The following RCAN2 variants were observed in gnomAD, a reference collection of about 807,000 sequenced individuals.
The protein encoded by RCAN2 is calcipressin-2.
A neutral mutation model predicts 23.6 loss-of-function variants in RCAN2; 9 were observed. The observed-to-expected ratio is 0.38, with a 90% CI of 0.23 to 0.67. The LOEUF (loss-of-function observed/expected upper bound fraction) is 0.67, where lower values mean the gene tolerates loss of function less well. RCAN2 is among the 30% of genes least tolerant of loss of function. The probability of loss-of-function intolerance (pLI) is 0.51; values close to 1 mark genes in which losing one functional copy is unlikely to be tolerated. For missense variants in RCAN2, 273 were observed against 302.3 expected (o/e 0.90, Z 0.72); for synonymous variants, 109 against 115.7 (o/e 0.94, Z 0.37).
chr6:46,232,260 T>C (rs1240347204), intron 4 of RCAN2, among the ~76,000 whole-genome samples: 1 of 152,256 alleles, frequency 6.6e-6, no homozygotes, highest in Non-Finnish European at 1.5e-5. Flanking sequence ...GTATCGATGC[T>C]AAGTAAGGTT....
chr6:46,376,855 T>TC (rs1205028849), intron 2 of RCAN2, among the ~76,000 whole-genome samples: 32 of 151,500 alleles, frequency 2.1e-4, no homozygotes, highest in East Asian at 7.8e-4. Context: ...AGTTTTCACT[T>TC]CCCCCCGCCC....
At chr6:46,356,294 G>A (rs780904853) in intron 2 of RCAN2, among the ~76,000 whole-genome samples, 15 of 152,294 alleles carry the variant, frequency 9.8e-5, no homozygotes, top group South Asian at 2.1e-4. Flanking sequence ...TCATGGACAA[G>A]TCTGGGGTCA....
In RCAN2 at chr6:46,388,807, G is replaced by A. The variant is rs1019877024; in HGVS notation, c.225+67945C>T. Among the ~76,000 whole-genome samples the A allele has an allele frequency of 4.6e-5, 7 of 152,226 alleles. No individual in the cohort carries two copies. In the South Asian group the frequency reaches 6.2e-4, roughly 14 times the overall value. On this transcript the variant is annotated intron_variant, in intron 2 of 4. Transcript: ENST00000371374. Reference sequence around the variant, plus strand: ...ACACCGGGGCCTGTGTTGGGGAGCCGGCAGAGTGGGGAGAGCATCAGGACA... The same window carrying A: ...ACACCGGGGCCTGTGTTGGGGAGCCAGCAGAGTGGGGAGAGCATCAGGACA...
intron 1 of RCAN2, among the ~76,000 whole-genome samples, chr6:46,477,330 C>T (rs889030825): frequency 2.0e-5 from 3 of 152,168 alleles, no homozygotes; most frequent in African/African-American, 7.2e-5. Context: ...CTCTTCAAGG[C>T]TCAATTTATA....
chr6:46,281,991 A>T (rs1762197698), intron 2 of RCAN2, among the ~76,000 whole-genome samples: 1 of 152,168 alleles, frequency 6.6e-6, no homozygotes, highest in Admixed American at 6.5e-5. Flanking sequence ...TTCACTGAGT[A>T]CCACCTATAC....
intron 4 of RCAN2, among the ~76,000 whole-genome samples, chr6:46,236,334 CT>C (rs1489544552): frequency 3.9e-5 from 6 of 152,208 alleles, no homozygotes; most frequent in African/African-American, 1.2e-4. Context: ...TCTGTCATCA[CT>C]GGCAATTTTC....
chr6:46,318,611 C>T (rs1395111614), intron 2 of RCAN2, among the ~76,000 whole-genome samples: 1 of 152,006 alleles, frequency 6.6e-6, no homozygotes, highest in Non-Finnish European at 1.5e-5. Flanking sequence ...GGCCCTTAAT[C>T]CCTTGATGTA....
chr6:46,336,603 A>G (rs912777916), intron 2 of RCAN2, among the ~76,000 whole-genome samples: 2 of 152,216 alleles, frequency 1.3e-5, no homozygotes, highest in African/African-American at 2.4e-5. Flanking sequence ...ATGGGTTACA[A>G]TAAGATTGGA....
chr6:46,370,951 G>A (rs1167325845), intron 2 of RCAN2, among the ~76,000 whole-genome samples: 1 of 152,186 alleles, frequency 6.6e-6, no homozygotes, highest in African/African-American at 2.4e-5. Context: ...TAGTGAGCTA[G>A]CTTCTGGGGA....
At chr6:46,442,683 T>C (rs1195839530) in intron 2 of RCAN2, among the ~76,000 whole-genome samples, 1 of 152,206 alleles carries the variant, frequency 6.6e-6, no homozygotes, top group Non-Finnish European at 1.5e-5. Context: ...CCAAGTGTCA[T>C]CAAGAATATA....
chr6:46,384,828 C>G (rs745971632), intron 2 of RCAN2, among the ~76,000 whole-genome samples: 24 of 152,126 alleles, frequency 1.6e-4, no homozygotes, highest in Non-Finnish European at 2.6e-4. Flanking sequence ...GAAATGTTCT[C>G]TATGGCGAAA....
chr6:46,282,316 C>T lies in RCAN2; in HGVS notation c.226-33420G>A, dbSNP rs1037053359. On this transcript the variant is annotated intron_variant, in intron 2 of 4. Coordinates refer to ENST00000371374, the MANE Select transcript of RCAN2 (RefSeq NM_001251974.2). ...ATCCCAGCACTTTGGGAGGCCAAGG[C>T]AGGCAGATCACGAGATCGGGAGATC... Among the ~76,000 whole-genome samples the T allele has an allele frequency of 1.3e-4, 19 of 150,514 alleles. 1 individual carries two copies. The highest frequency in any genetic ancestry group is 3.3e-4 in the Admixed American group (5 of 15,182).
intron 2 of RCAN2, among the ~76,000 whole-genome samples, chr6:46,315,934 AGACAAGAAAAGAGGTTTGGAAG>A (rs1763422036): frequency 6.6e-6 from 1 of 151,298 alleles, no homozygotes; most frequent in Non-Finnish European, 1.5e-5. Flanking sequence ...GGTTTGGAAG[AGACAAGAAAAGAGGTTTGGAAG>A]AGACACAGCC....
chr6:46,458,222 C>T (rs1344272512), intron 1 of RCAN2, among the ~76,000 whole-genome samples: 1 of 152,194 alleles, frequency 6.6e-6, no homozygotes, highest in African/African-American at 2.4e-5. Context: ...TGAAGTTTAG[C>T]TAGATACAAA....
intron 2 of RCAN2, among the ~76,000 whole-genome samples, chr6:46,448,720 A>C (rs987274385): frequency 6.6e-6 from 1 of 151,976 alleles, no homozygotes; most frequent in Non-Finnish European, 1.5e-5. Flanking sequence ...AGAATGAAGG[A>C]TAAAAACCAT....
chr6:46,394,101 A>C (rs1766015619), intron 2 of RCAN2, among the ~76,000 whole-genome samples: 1 of 152,208 alleles, frequency 6.6e-6, no homozygotes, highest in Non-Finnish European at 1.5e-5. Flanking sequence ...ATCCTCTGTG[A>C]CAATACCCAG....
intron 2 of RCAN2, among the ~76,000 whole-genome samples, chr6:46,425,464 G>A (rs1767005223): frequency 1.3e-5 from 2 of 152,148 alleles, no homozygotes; most frequent in South Asian, 4.1e-4. Flanking sequence ...ACAGATCCCT[G>A]AAAGGATCTT....
chr6:46,323,465 G>C (rs141754760), intron 2 of RCAN2, among the ~76,000 whole-genome samples: 1 of 151,772 alleles, frequency 6.6e-6, no homozygotes, highest in East Asian at 1.9e-4. Context: ...CATATTTCTG[G>C]TAACAGTCTT....
intron 2 of RCAN2, among the ~76,000 whole-genome samples, chr6:46,266,740 T>C (rs1767342622): frequency 6.6e-6 from 1 of 152,170 alleles, no homozygotes; most frequent in African/African-American, 2.4e-5. Context: ...TCAAGCTTTG[T>C]CTCCAGCATC....
Sources: allele counts gnomAD v4.1 joint callset (sites outside exome capture counted in the v4.1 genomes callset), GRCh38; gene constraint gnomAD v4.1.1; transcripts MANE v1.5; gene names NCBI Gene and HGNC (gene_info 2026-07-23, HGNC 2026-07-21).